SYN3: variants seen among roughly 807,000 people sequenced by gnomAD.
The protein encoded by SYN3 is synapsin-3.
A neutral mutation model predicts 65.8 loss-of-function variants in SYN3; 35 were observed. The ratio of observed to expected loss-of-function variants is 0.53; its 90% CI spans 0.41 to 0.70. The LOEUF is 0.70. Ranked by LOEUF, SYN3 falls within the 30% of genes least tolerant of loss-of-function variation. SYN3 has a pLI of 0.00. For synonymous variants in SYN3, 270 were observed against 292.9 expected (o/e 0.92, Z 0.80); for missense variants, 680 against 749.0 (o/e 0.91, Z 1.08).
intron 10 of SYN3, among the ~76,000 whole-genome samples, chr22:32,533,458 T>C (rs779190071): frequency 9.9e-5 from 15 of 152,124 alleles, no homozygotes; most frequent in Non-Finnish European, 2.1e-4. Context: ...TTTCACATGC[T>C]TGGACACTGG....
chr22:32,645,406 G>C (rs1023395135), intron 6 of SYN3, among the ~76,000 whole-genome samples: 1 of 149,340 alleles, frequency 6.7e-6, no homozygotes, highest in East Asian at 2.0e-4. Context: ...AGCGAAGATC[G>C]CACCACTGCA....
intron 6 of SYN3, among the ~76,000 whole-genome samples, chr22:32,779,866 CT>C (rs1399829844): frequency 6.6e-6 from 1 of 152,034 alleles, no homozygotes; most frequent in African/African-American, 2.4e-5. Context: ...CCATTCTGCC[CT>C]GGGATAACCT....
At chr22:32,971,561 C>A (rs1194931006) in intron 3 of SYN3, among the ~76,000 whole-genome samples, 1 of 152,060 alleles carries the variant, frequency 6.6e-6, no homozygotes, top group Admixed American at 6.6e-5. Context: ...AATTATGGAG[C>A]ACTTCAGAGT....
intron 2 of SYN3, among the ~76,000 whole-genome samples, chr22:32,987,620 G>A (rs868181547): frequency 3.3e-5 from 5 of 152,158 alleles, no homozygotes; most frequent in Admixed American, 6.5e-5. Context: ...GGGGATCTGC[G>A]GAGGCAAAAA....
At chr22:33,043,565 A>G (rs1046900862) in intron 1 of SYN3, among the ~76,000 whole-genome samples, 1 of 152,118 alleles carries the variant, frequency 6.6e-6, no homozygotes. Context: ...TAATAATAAT[A>G]TAATAAATAA....
chr22:32,971,871 G>T (rs575774977), intron 3 of SYN3, among the ~76,000 whole-genome samples: 9 of 152,324 alleles, frequency 5.9e-5, no homozygotes, highest in Middle Eastern at 3.4e-3. Context: ...GCAGGACTGT[G>T]AGAATTTGGG....
intron 7 of SYN3, among the ~76,000 whole-genome samples, chr22:32,559,441 G>A (rs2058551666): frequency 6.6e-6 from 1 of 152,202 alleles, no homozygotes; most frequent in Admixed American, 6.5e-5. Flanking sequence ...AATGTCAGGC[G>A]ACTTTCAGGT....
chr22:32,575,773 G>A (rs2058842143), intron 7 of SYN3, among the ~76,000 whole-genome samples: 1 of 152,148 alleles, frequency 6.6e-6, no homozygotes, highest in Admixed American at 6.5e-5. Flanking sequence ...TAGAGATGGG[G>A]AGATACGGAA....
chr22:32,599,951 C>G (rs892753590), intron 6 of SYN3, among the ~76,000 whole-genome samples: 1 of 152,048 alleles, frequency 6.6e-6, no homozygotes, highest in Admixed American at 6.6e-5. Flanking sequence ...CGGTCATGTG[C>G]AAGTCTCCAG....
intron 6 of SYN3, among the ~76,000 whole-genome samples, chr22:32,604,995 G>A (rs1185479625): frequency 1.6e-5 from 2 of 128,498 alleles, no homozygotes; most frequent in Non-Finnish European, 3.2e-5. Flanking sequence ...GATAGAGCGA[G>A]ACTCCATCTC....
intron 7 of SYN3, among the ~76,000 whole-genome samples, chr22:32,569,559 C>CTATATATATATATA (rs1289552626): frequency 5.7e-4 from 29 of 51,206 alleles, no homozygotes; most frequent in Non-Finnish European, 1.0e-3. Flanking sequence ...CTCTCTCTCT[C>CTATATATATATATA]TCTCTCTCTC....
At chr22:32,692,573 A>T (rs1299081088) in intron 6 of SYN3, among the ~76,000 whole-genome samples, 1 of 152,138 alleles carries the variant, frequency 6.6e-6, no homozygotes, top group Non-Finnish European at 1.5e-5. Flanking sequence ...GTCATTTGTG[A>T]AAGACCCATG....
intron 3 of SYN3, among the ~76,000 whole-genome samples, chr22:32,973,654 G>A (rs2052092400): frequency 2.0e-5 from 3 of 152,110 alleles, no homozygotes; most frequent in South Asian, 2.1e-4. Context: ...GACTGAACTC[G>A]AACTCCAGTG....
At chr22:32,806,760 A>G (rs2046751478) in intron 6 of SYN3, among the ~76,000 whole-genome samples, 1 of 151,766 alleles carries the variant, frequency 6.6e-6, no homozygotes, top group Non-Finnish European at 1.5e-5. Context: ...TATCTATGAT[A>G]TATCCATTTC....
chr22:32,874,505 G>A (rs772246552), intron 4 of SYN3, among the ~76,000 whole-genome samples: 1 of 152,242 alleles, frequency 6.6e-6, no homozygotes, highest in Non-Finnish European at 1.5e-5. Context: ...GGCCAGAGGT[G>A]AAGTGACTCT....
rs2046783017 is a variant in SYN3, at chr22:32,807,378, A to T, written c.711+57537T>A. On this transcript the variant is annotated intron_variant, in intron 6 of 13. Coordinates refer to ENST00000358763, the MANE Select transcript of SYN3 (RefSeq NM_003490.4). ...ATAATATATAATATATATTATATAT[A>T]ATATATATTATATATAATATATATA... 1.0e-4 allele frequency among the ~76,000 whole-genome samples: 11 copies of T among 108,210 alleles called. No homozygotes were observed. In the South Asian group the frequency reaches 2.9e-3, roughly 28 times the overall value. 71.0% of individuals were successfully genotyped at this position (108,210 alleles called of 152,430 possible).
chr22:32,572,281 C>T (rs1467365320), intron 7 of SYN3, among the ~76,000 whole-genome samples: 12 of 45,472 alleles, frequency 2.6e-4, no homozygotes, highest in African/African-American at 5.8e-4. Flanking sequence ...CCCCCTCCCT[C>T]CCTCCCTCCT....
intron 6 of SYN3, among the ~76,000 whole-genome samples, chr22:32,755,731 C>T (rs1202421642): frequency 6.6e-6 from 1 of 152,110 alleles, no homozygotes; most frequent in Non-Finnish European, 1.5e-5. Flanking sequence ...CCATGGTGGC[C>T]CCAGCCCCAA....
intron 6 of SYN3, among the ~76,000 whole-genome samples, chr22:32,692,277 T>G (rs903758829): frequency 6.6e-6 from 1 of 151,780 alleles, no homozygotes; most frequent in East Asian, 1.9e-4. Flanking sequence ...TAGAAACTGC[T>G]GCAAACAACC....
Sources: allele counts gnomAD v4.1 joint callset (sites outside exome capture counted in the v4.1 genomes callset), GRCh38; gene constraint gnomAD v4.1.1; transcripts MANE v1.5; gene names NCBI Gene and HGNC (gene_info 2026-07-23, HGNC 2026-07-21).